Variants in CAMK2D observed in about 807,000 individuals in gnomAD.
The protein encoded by CAMK2D is calcium/calmodulin dependent protein kinase II delta.
Under a neutral mutation model 84.0 loss-of-function variants are expected in CAMK2D, and 37 were observed. That is an observed-to-expected ratio of 0.44 (90% confidence interval 0.34 to 0.58). The LOEUF (loss-of-function observed/expected upper bound fraction) is 0.58. CAMK2D is among the 20% of genes least tolerant of loss of function. The pLI, the probability that CAMK2D is intolerant of heterozygous loss-of-function variation, is 0.02. For synonymous variants in CAMK2D, 202 were observed against 212.5 expected (o/e 0.95, Z 0.43); for missense variants, 448 against 652.5 (o/e 0.69, Z 3.41).
Position 113,606,334 on chromosome 4 carries a change from G to C in CAMK2D, c.275+2818C>G, listed in dbSNP as rs182745942. Among the ~76,000 whole-genome samples, 605 of 152,064 alleles carry C rather than the reference G, an allele frequency of 4.0e-3. 7 individuals are homozygous for C. Among genetic ancestry groups the C allele is most frequent in the African/African-American group, 0.013 (547 of 41,490 alleles). On this transcript the variant is annotated intron_variant, in intron 4 of 20. Coordinates refer to ENST00000511664, the MANE Select transcript of CAMK2D (RefSeq NM_001321571.2). ...AAATACAAAAAAATTAGCCGGCATG[G>C]TGGCGCGCGCCTGTAATCCCAGCTA...
At chr4:113,657,584 T>C (rs1001786099) in intron 3 of CAMK2D, among the ~76,000 whole-genome samples, 15 of 152,318 alleles carry the variant, frequency 9.8e-5, no homozygotes, top group African/African-American at 3.6e-4. Flanking sequence ...CCCTCAGGTT[T>C]CTTCTTTATA....
intron 2 of CAMK2D, among the ~76,000 whole-genome samples, chr4:113,667,560 A>G (rs1481925368): frequency 6.6e-6 from 1 of 152,170 alleles, no homozygotes; most frequent in African/African-American, 2.4e-5. Flanking sequence ...TGTCTCACTG[A>G]ATGAGGCATT....
At chr4:113,504,847 CAAA>C in intron 14 of CAMK2D, 126 bp downstream of exon 14, 1 of 272,146 alleles carries the variant, frequency 3.7e-6, no homozygotes, top group East Asian at 5.6e-5. Context: ...AAAAAAAAAA[CAAA>C]ACCCAACACC....
intron 2 of CAMK2D, among the ~76,000 whole-genome samples, chr4:113,669,264 T>C (rs1167461395): frequency 1.3e-5 from 2 of 152,218 alleles, no homozygotes; most frequent in East Asian, 1.9e-4. Flanking sequence ...TTCATATAAA[T>C]GTTTATTTAA....
chr4:113,607,848 T>C (rs2098984584), intron 4 of CAMK2D, among the ~76,000 whole-genome samples: 1 of 152,200 alleles, frequency 6.6e-6, no homozygotes. Context: ...TCTTTCTTAA[T>C]AACAAAATCA....
intron 4 of CAMK2D, among the ~76,000 whole-genome samples, chr4:113,576,168 T>C (rs1037081395): frequency 2.0e-5 from 3 of 152,144 alleles, no homozygotes; most frequent in African/African-American, 7.2e-5. Context: ...CCTGAATAGA[T>C]GGGACTACAG....
In CAMK2D at chr4:113,663,431, A is replaced by C. The variant is rs527281871; in HGVS notation, c.161-1659T>G. On this transcript the variant is annotated intron_variant, in intron 2 of 20. Coordinates refer to ENST00000511664, the MANE Select transcript of CAMK2D (RefSeq NM_001321571.2). ...CAAAATCTCATCTCTACCAAAAAAA[A>C]CACAAAAATTAGCCGGGTGTGGTGG... Among the ~76,000 whole-genome samples, 226 of 151,988 alleles carry C rather than the reference A, an allele frequency of 1.5e-3. 1 individual carries two copies. Among genetic ancestry groups the C allele is most frequent in the African/African-American group, 5.2e-3 (214 of 41,446 alleles).
intron 4 of CAMK2D, among the ~76,000 whole-genome samples, chr4:113,581,907 G>A (rs566130444): frequency 6.6e-6 from 1 of 152,246 alleles, no homozygotes; most frequent in South Asian, 2.1e-4. Context: ...CTAGGCCTCT[G>A]GGAAACTAGA....
Position 113,509,621 on chromosome 4 carries a change from G to T in CAMK2D, c.984+17C>A, listed in dbSNP as rs1470802357. On this transcript the variant is annotated intron_variant, in intron 13 of 20. Coordinates refer to ENST00000511664, the MANE Select transcript of CAMK2D (RefSeq NM_001321571.2). ...TCTGAAAGTCAGAAATGGATTAGGG[G>T]CATCTGTTTAACTTACCTTTACTCC... 6.5e-7 allele frequency: 1 copy of T among 1,532,244 alleles called. No individual in the cohort carries two copies. 94.9% of individuals were successfully genotyped at this position (1,532,244 alleles called of 1,614,324 possible).
chr4:113,521,022 CACAA>C (rs1184442072), intron 8 of CAMK2D, among the ~76,000 whole-genome samples: 6 of 152,230 alleles, frequency 3.9e-5, no homozygotes, highest in East Asian at 1.9e-4. Flanking sequence ...GAGTGAGACT[CACAA>C]ACAAACAAAC....
In CAMK2D at chr4:113,705,161, C is replaced by CAA. The variant is rs769273594; in HGVS notation, c.161-43391_161-43390dup. Among the ~76,000 whole-genome samples, 8 of 115,792 alleles carry CAA rather than the reference C, an allele frequency of 6.9e-5. 1 individual carries two copies. The highest frequency in any genetic ancestry group is 1.9e-4 in the African/African-American group (6 of 31,894). The allele number at this position is 115,792 out of a possible 152,430, so 76.0% of individuals were successfully genotyped here. On this transcript the variant is annotated intron_variant, in intron 2 of 20. Transcript: ENST00000511664. ...TGAAACCCTATCTCTACTACAAATA[C>CAA]AAAAAAAAAAAAAAAATTAGCCGGG...
At chr4:113,489,047 GGAATA>G (rs148308299) in intron 16 of CAMK2D, among the ~76,000 whole-genome samples, 26 of 152,052 alleles carry the variant, frequency 1.7e-4, no homozygotes, top group Non-Finnish European at 3.4e-4. Flanking sequence ...CATTAGTGGT[GGAATA>G]GAATAAATTC....
At chr4:113,635,533 A>G (rs17046323) in intron 3 of CAMK2D, among the ~76,000 whole-genome samples, 4,551 of 152,326 alleles carry the variant, frequency 0.03, 231 homozygotes, top group African/African-American at 0.1. Context: ...CAAAAACAGT[A>G]CAATGGAGTA....
intron 6 of CAMK2D, among the ~76,000 whole-genome samples, chr4:113,540,626 A>T (rs2098524321): frequency 6.6e-6 from 1 of 152,192 alleles, no homozygotes; most frequent in Non-Finnish European, 1.5e-5. Flanking sequence ...AAGGGTACTA[A>T]ATTATATCTC....
intron 6 of CAMK2D, among the ~76,000 whole-genome samples, chr4:113,538,344 T>A (rs1343640889): frequency 6.6e-6 from 1 of 152,160 alleles, no homozygotes; most frequent in African/African-American, 2.4e-5. Flanking sequence ...TCAATTTCCA[T>A]GAATCGCCTT....
chr4:113,573,221 A>G (rs1422152496), intron 4 of CAMK2D, among the ~76,000 whole-genome samples: 5 of 152,210 alleles, frequency 3.3e-5, no homozygotes, highest in African/African-American at 1.2e-4. Flanking sequence ...ACTCCAAACA[A>G]CAAAACATGT....
intron 16 of CAMK2D, among the ~76,000 whole-genome samples, chr4:113,485,234 T>C (rs908143196): frequency 2.6e-5 from 4 of 152,204 alleles, no homozygotes; most frequent in African/African-American, 9.6e-5. Flanking sequence ...AAGTCTTTGG[T>C]AGAAACTATG....
chr4:113,611,132 T>G lies in CAMK2D; in HGVS notation c.221-1926A>C, dbSNP rs1458231282. Among the ~76,000 whole-genome samples, 18 of 152,088 alleles carry G rather than the reference T, an allele frequency of 1.2e-4. No homozygotes were observed. The East Asian group carries it at 2.9e-3, about 24-fold the overall frequency. ...TACATAAGCAATTCTTCCATCACTTTAATGGTGTGAAAGGTATTCTTCACG... is the reference window on the plus strand; with the variant it reads ...TACATAAGCAATTCTTCCATCACTTGAATGGTGTGAAAGGTATTCTTCACG... On this transcript the variant is annotated intron_variant, in intron 3 of 20. Transcript: ENST00000511664.
At chr4:113,726,195 G>A (rs1016259533) in intron 2 of CAMK2D, among the ~76,000 whole-genome samples, 1 of 152,034 alleles carries the variant, frequency 6.6e-6, no homozygotes, top group African/African-American at 2.4e-5. Flanking sequence ...CCAAAATTAA[G>A]TATTGAAAGA....
Sources: allele counts gnomAD v4.1 joint callset (sites outside exome capture counted in the v4.1 genomes callset), GRCh38; gene constraint gnomAD v4.1.1; transcripts MANE v1.5; gene names NCBI Gene and HGNC (gene_info 2026-07-23, HGNC 2026-07-21).